The following ZNF146 variants were observed in gnomAD, a reference collection of about 807,000 sequenced individuals.
The protein encoded by ZNF146 is zinc finger protein OZF.
ZNF146 carries 9 observed loss-of-function variants against 22.2 expected under a neutral mutation model. The ratio of observed to expected loss-of-function variants is 0.41; its 90% confidence interval spans 0.24 to 0.71. ZNF146 has a LOEUF of 0.71. Among genes scored for constraint, ZNF146 ranks in the 30% least tolerant of loss-of-function variants. The probability of loss-of-function intolerance (pLI) is 0.34; values close to 1 mark genes in which losing one functional copy is unlikely to be tolerated. For synonymous variants in ZNF146, 108 were observed against 119.2 expected, an observed-to-expected ratio of 0.91 and a Z score of 0.61; for missense variants, 194 against 344.8, an observed-to-expected ratio of 0.56 and a Z score of 3.46.
Position 36,236,696 on chromosome 19 carries a change from A to T in ZNF146, c.256A>T (p.Asn86Tyr). ...TGGAAAATCATTTAGCCAGAAGGAA[A>T]ACCTCCTTACGCACCAGAAAATTCA... ...ECGKSFSQKE[N>Y]LLTHQKIHTG... is the part of the protein sequence containing the mutation. The change falls in exon 4 of 4, where the codon AAC (asparagine) becomes TAC (tyrosine). Residue 86 changes from asparagine to tyrosine, a missense_variant. Coordinates refer to ENST00000443387, the MANE Select transcript of ZNF146 (RefSeq NM_007145.3). The T allele has an allele frequency of 6.2e-7, 1 of 1,614,228 alleles. No individual in the cohort carries two copies. Among genetic ancestry groups the T allele is most frequent in the Non-Finnish European group, 8.5e-7 (1 of 1,180,040 alleles).
chr19:36,233,636 G>A (rs1418883626), intron 3 of ZNF146, among the ~76,000 whole-genome samples: 1 of 152,072 alleles, frequency 6.6e-6, no homozygotes, highest in African/African-American at 2.4e-5. Flanking sequence ...GTGAACAAAT[G>A]TCTCTGCATC....
At chr19:36,234,150 C>T (rs535180142) in intron 3 of ZNF146, among the ~76,000 whole-genome samples, 9 of 152,312 alleles carry the variant, frequency 5.9e-5, no homozygotes, top group Admixed American at 2.0e-4. Context: ...GCCCTTAATC[C>T]ATTTAACGCT....
intron 3 of ZNF146, among the ~76,000 whole-genome samples, chr19:36,230,959 G>A (rs1462463726): frequency 6.6e-6 from 1 of 151,770 alleles, no homozygotes; most frequent in Non-Finnish European, 1.5e-5. Flanking sequence ...CTGCCACCAC[G>A]CCGGCTAATT....
intron 3 of ZNF146, among the ~76,000 whole-genome samples, chr19:36,230,638 A>C (rs1261459425): frequency 6.6e-6 from 1 of 152,204 alleles, no homozygotes; most frequent in Non-Finnish European, 1.5e-5. Flanking sequence ...AGTCAGGAGA[A>C]GCTTGCTGTC....
At chr19:36,215,538 T>C (rs868017440) in intron 1 of ZNF146, among the ~76,000 whole-genome samples, 1 of 152,142 alleles carries the variant, frequency 6.6e-6, no homozygotes, top group Non-Finnish European at 1.5e-5. Context: ...GCCATCTTCC[T>C]GGAGCGTCTT....
Position 36,220,693 on chromosome 19 carries a change from A to G in ZNF146, c.-855+2498A>G, listed in dbSNP as rs150032349. On this transcript the variant is annotated intron_variant, in intron 2 of 3. Coordinates refer to ENST00000443387, the MANE Select transcript of ZNF146 (RefSeq NM_007145.3). The stretch of plus-strand genomic sequence containing the variant: ...CTAGTTGTATTTTATAGTAAAAAAT[A>G]TGAAACAAGTTATAAGTACTTATTT... Among the ~76,000 whole-genome samples the G allele has an allele frequency of 1.4e-3, 207 of 152,196 alleles. 1 individual carries two copies. Among genetic ancestry groups the G allele is most frequent in the African/African-American group, 4.6e-3 (189 of 41,530 alleles).
At chr19:36,216,550 G>GGAGGCTGAGGCAGGAAAAT (rs1976613568) in intron 1 of ZNF146, among the ~76,000 whole-genome samples, 1 of 151,270 alleles carries the variant, frequency 6.6e-6, no homozygotes, top group Non-Finnish European at 1.5e-5. Context: ...CTGAGCTACC[G>GGAGGCTGAGGCAGGAAAAT]CGGAGGCTGA....
intron 2 of ZNF146, among the ~76,000 whole-genome samples, chr19:36,227,258 G>A (rs1430966663): frequency 2.1e-5 from 3 of 144,992 alleles, no homozygotes; most frequent in Non-Finnish European, 4.6e-5. Context: ...GTGTAGTGGC[G>A]CATGCCTGTA....
upstream of ZNF146, chr19:36,214,762 C>T (rs556586316): frequency 6.5e-6 from 1 of 152,808 alleles, no homozygotes; most frequent in South Asian, 2.1e-4. Flanking sequence ...GAATGGCGTT[C>T]TCTTATCTCT....
At chr19:36,225,702 T>C (rs1049417623) in intron 2 of ZNF146, among the ~76,000 whole-genome samples, 3 of 150,960 alleles carry the variant, frequency 2.0e-5, no homozygotes, top group African/African-American at 7.3e-5. Context: ...TGTCTCAAAG[T>C]GCTGGGATTA....
intron 3 of ZNF146, among the ~76,000 whole-genome samples, chr19:36,232,842 C>G (rs1158628976): frequency 6.6e-6 from 1 of 151,890 alleles, no homozygotes; most frequent in East Asian, 1.9e-4. Flanking sequence ...ACTCTTGGCC[C>G]CACAGTGCTG....
At chr19:36,235,207 C>CAA (rs112972407) in intron 3 of ZNF146, among the ~76,000 whole-genome samples, 21 of 121,600 alleles carry the variant, frequency 1.7e-4, no homozygotes, top group East Asian at 6.5e-4. Context: ...AATTCCGTCT[C>CAA]AAAAAAAAAA....
chr19:36,234,376 C>T (rs750783795), intron 3 of ZNF146, among the ~76,000 whole-genome samples: 1 of 152,078 alleles, frequency 6.6e-6, no homozygotes, highest in Non-Finnish European at 1.5e-5. Flanking sequence ...AAAAAGGGAG[C>T]TCTCCCATAT....
At position 36,236,912 on chromosome 19, in the gene ZNF146, T is replaced by C; in HGVS notation, c.472T>C (p.Cys158Arg). Residue 158 changes from cysteine (C) to arginine (R), a missense_variant, in exon 4 of 4, where the codon TGT (cysteine) becomes CGT (arginine). Cys to Arg is a radical substitution (Grantham distance 180). Coordinates refer to ENST00000443387, the MANE Select transcript of ZNF146 (RefSeq NM_007145.3). Reference protein sequence around the residue: ...KIHIGEKPFKCSECGTAFGQK... With the variant: ...KIHIGEKPFKRSECGTAFGQK... Reference sequence around the variant, plus strand: ...CCATATTGGAGAGAAGCCTTTTAAATGTAGTGAATGTGGAACAGCCTTTGG... The same window carrying C: ...CCATATTGGAGAGAAGCCTTTTAAACGTAGTGAATGTGGAACAGCCTTTGG... The C allele has an allele frequency of 6.2e-7, 1 of 1,614,134 alleles. No individual in the cohort carries two copies. The highest frequency in any genetic ancestry group is 8.5e-7 in the Non-Finnish European group (1 of 1,180,018).
intron 2 of ZNF146, among the ~76,000 whole-genome samples, chr19:36,220,194 C>G (rs1976773413): frequency 1.3e-5 from 2 of 152,040 alleles, no homozygotes; most frequent in Admixed American, 1.3e-4. Flanking sequence ...AGGGTGTGCT[C>G]ATTGCCCAGG....
At chr19:36,219,717 A>G (rs1599958332) in intron 2 of ZNF146, among the ~76,000 whole-genome samples, 1 of 152,102 alleles carries the variant, frequency 6.6e-6, no homozygotes, top group African/African-American at 2.4e-5. Context: ...TCTTGGCTGG[A>G]TGAGTAAATT....
At chr19:36,228,418 A>G (rs1977178400) in intron 2 of ZNF146, 1 of 152,192 alleles carries the variant, frequency 6.6e-6, no homozygotes, top group East Asian at 1.9e-4. Context: ...AACAGCAATC[A>G]CTCACACAAG....
chr19:36,218,251 CA>C (rs1479014509), intron 2 of ZNF146, 56 bp downstream of exon 2: 1 of 151,902 alleles, frequency 6.6e-6, no homozygotes, highest in Non-Finnish European at 1.5e-5. Context: ...GAAATAATAG[CA>C]ATATTTGATT....
rs924671150 is a variant in ZNF146 at position 36,238,022 on chromosome 19, G to A, written c.*703G>A. 2.4e-5 allele frequency: 4 copies of A among 167,106 alleles called. No individual in the cohort carries two copies. Among genetic ancestry groups the A allele is most frequent in the Non-Finnish European group, 5.9e-5 (4 of 68,124 alleles). The allele number at this position is 167,106 out of a possible 1,614,324, so 10.4% of individuals were successfully genotyped here. ...AGCGGTTCTACTTATGAGTATGAAT[G>A]CTCAGGAAATACGCACTAGGATATT... On this transcript the variant is annotated 3_prime_UTR_variant, in exon 4 of 4. Transcript: ENST00000443387.
Sources: allele counts gnomAD v4.1 joint callset (sites outside exome capture counted in the v4.1 genomes callset), GRCh38; gene constraint gnomAD v4.1.1; transcripts MANE v1.5; gene names NCBI Gene and HGNC (gene_info 2026-07-23, HGNC 2026-07-21).